The following PARD3B variants were observed in gnomAD, a reference collection of about 807,000 sequenced individuals.
The protein encoded by PARD3B is par-3 family cell polarity regulator beta.
Under a neutral mutation model 130.2 loss-of-function variants are expected in PARD3B, and 103 were observed. The observed-to-expected ratio is 0.79, with a 90% confidence interval of 0.67 to 0.93. PARD3B has a LOEUF of 0.93. Ranked by LOEUF, PARD3B falls within the 40% of genes least tolerant of loss-of-function variation. PARD3B has a pLI of 0.00. For synonymous variants in PARD3B, 583 were observed against 553.2 expected (o/e 1.05, Z -0.76); for missense variants, 1,609 against 1,499.2 (o/e 1.07, Z -1.21).
At chr2:205,238,896 A>ATG (rs1559575204) in intron 15 of PARD3B, among the ~76,000 whole-genome samples, 1 of 130,828 alleles carries the variant, frequency 7.6e-6, no homozygotes. Flanking sequence ...GTATATATAT[A>ATG]TATATATATA....
intron 16 of PARD3B, among the ~76,000 whole-genome samples, chr2:205,249,438 G>T (rs182171650): frequency 2.6e-5 from 4 of 152,066 alleles, no homozygotes; most frequent in African/African-American, 7.2e-5. Flanking sequence ...CCATCTGTTG[G>T]TCTGGCTTGG....
rs888020848 is a variant in PARD3B at position 205,446,308 on chromosome 2, G to A, written c.3044+5636G>A. 2.0e-5 allele frequency among the ~76,000 whole-genome samples: 3 copies of A among 152,110 alleles called. No homozygotes were observed. The highest frequency in any genetic ancestry group is 4.4e-5 in the Non-Finnish European group (3 of 68,026). On this transcript the variant is annotated intron_variant, in intron 20 of 22. Coordinates refer to ENST00000406610, the MANE Select transcript of PARD3B (RefSeq NM_001302769.2). The surrounding 1 kb of genome is among the most constrained non-coding windows in gnomAD (Gnocchi z 4.4). ...TTTGGGTTGGAGAAGAGCTCGCTGAGGGGAAGAACTCACTGAGGGTTTTAA... is the reference window on the plus strand; with the variant it reads ...TTTGGGTTGGAGAAGAGCTCGCTGAAGGGAAGAACTCACTGAGGGTTTTAA...
chr2:205,104,377 C>T, intron 4 of PARD3B, 49 bp from the exon 5 acceptor site: 1 of 1,331,082 alleles, frequency 7.5e-7, no homozygotes, highest in African/African-American at 1.4e-5. Flanking sequence ...TTCAGATTTT[C>T]AATTCAATAT....
chr2:205,355,811 G>A (rs906850065), intron 18 of PARD3B, among the ~76,000 whole-genome samples: 3 of 152,166 alleles, frequency 2.0e-5, no homozygotes, highest in Admixed American at 6.5e-5. Flanking sequence ...AAAGCGAAGG[G>A]CAAGCAAGGC....
At chr2:205,186,890 G>A (rs1476575017) in intron 14 of PARD3B, among the ~76,000 whole-genome samples, 1 of 152,052 alleles carries the variant, frequency 6.6e-6, no homozygotes, top group African/African-American at 2.4e-5. Flanking sequence ...ATGACAATTT[G>A]GTGGCATAAA....
In PARD3B at chr2:205,177,104, G is replaced by A. The variant is rs553973989; in HGVS notation, c.1924+527G>A. Among the ~76,000 whole-genome samples, 3 of 152,090 alleles carry A rather than the reference G, an allele frequency of 2.0e-5. No individual in the cohort carries two copies. The East Asian group carries it at 5.8e-4, about 29-fold the overall frequency. The stretch of plus-strand genomic sequence containing the variant: ...CTGTTTTGCCTTATTATCTAATGTG[G>A]ATCCCATTTCTAGCTGACTCCAGAT... On this transcript the variant is annotated intron_variant, in intron 13 of 22. Coordinates refer to ENST00000406610, the MANE Select transcript of PARD3B (RefSeq NM_001302769.2).
At chr2:205,399,169 C>T (rs190216867) in intron 18 of PARD3B, among the ~76,000 whole-genome samples, 1,984 of 151,736 alleles carry the variant, frequency 0.013, 42 homozygotes, top group African/African-American at 0.046. Flanking sequence ...ACTTGGGAGG[C>T]TGAGGCAGGA....
chr2:205,612,449 GT>G (rs1459267961), intron 22 of PARD3B, among the ~76,000 whole-genome samples: 1 of 152,046 alleles, frequency 6.6e-6, no homozygotes, highest in Non-Finnish European at 1.5e-5. Flanking sequence ...GCCAAAATTA[GT>G]TTTTTTAATA....
intron 3 of PARD3B, among the ~76,000 whole-genome samples, chr2:204,990,536 A>G (rs1003202746): frequency 2.0e-5 from 3 of 151,964 alleles, no homozygotes; most frequent in African/African-American, 7.3e-5. Flanking sequence ...TCTCCCTCCC[A>G]CTTTCCAGAC....
intron 12 of PARD3B, among the ~76,000 whole-genome samples, chr2:205,173,983 C>T (rs1233117038): frequency 2.6e-5 from 4 of 152,126 alleles, no homozygotes; most frequent in Admixed American, 1.3e-4. Context: ...AAAGATACCT[C>T]AACTAATAGA....
chr2:205,447,690 C>G (rs2047954661), intron 20 of PARD3B, among the ~76,000 whole-genome samples: 1 of 152,176 alleles, frequency 6.6e-6, no homozygotes, highest in Non-Finnish European at 1.5e-5. Flanking sequence ...TTAACAGTAT[C>G]TTAAAGTTGG....
At chr2:204,785,286 T>C (rs940884676) in intron 2 of PARD3B, among the ~76,000 whole-genome samples, 1 of 152,228 alleles carries the variant, frequency 6.6e-6, no homozygotes, top group East Asian at 1.9e-4. Flanking sequence ...CTAGGAATTA[T>C]ATAAATGCAT....
At chr2:205,371,161 A>T (rs532061858) in intron 18 of PARD3B, among the ~76,000 whole-genome samples, 1 of 151,980 alleles carries the variant, frequency 6.6e-6, no homozygotes, top group Non-Finnish European at 1.5e-5. Flanking sequence ...CCATCACTCT[A>T]TTAGCTAAGT....
intron 2 of PARD3B, among the ~76,000 whole-genome samples, chr2:204,832,853 A>G (rs1191312745): frequency 6.6e-6 from 1 of 152,222 alleles, no homozygotes; most frequent in Non-Finnish European, 1.5e-5. Flanking sequence ...GAAAAAAACA[A>G]CTATAGTTCT....
At chr2:205,417,433 G>A (rs1258295633) in intron 19 of PARD3B, among the ~76,000 whole-genome samples, 2 of 152,180 alleles carry the variant, frequency 1.3e-5, no homozygotes, top group East Asian at 3.9e-4. Flanking sequence ...ATAATCCTTT[G>A]GGTATATGCC....
At chr2:205,003,436 G>A (rs1428041437) in intron 3 of PARD3B, among the ~76,000 whole-genome samples, 1 of 152,094 alleles carries the variant, frequency 6.6e-6, no homozygotes, top group Non-Finnish European at 1.5e-5. Context: ...TTACTTCTCT[G>A]ACCTCATGCC....
chr2:205,596,859 G>A (rs1454653170), intron 22 of PARD3B, among the ~76,000 whole-genome samples: 1 of 152,090 alleles, frequency 6.6e-6, no homozygotes, highest in Non-Finnish European at 1.5e-5. Flanking sequence ...AGAGAAGGAT[G>A]AGGGAAGCCC....
In PARD3B at chr2:205,341,402, A is replaced by C. The variant is rs1201346088; in HGVS notation, c.2630+39701A>C. The stretch of plus-strand genomic sequence containing the variant: ...TGGTATATATACACAATGGAATACT[A>C]TTCAGCCATATAAAGAGTGAAATTC... On this transcript the variant is annotated intron_variant, in intron 18 of 22. Transcript: ENST00000406610. The surrounding 1 kb of genome is among the most constrained non-coding windows in gnomAD (Gnocchi z 4.3). Among the ~76,000 whole-genome samples the C allele has an allele frequency of 6.6e-6, 1 of 152,210 alleles. No homozygotes were observed. The highest frequency in any genetic ancestry group is 2.4e-5 in the African/African-American group (1 of 41,472).
At chr2:204,686,644 T>A (rs1364026035) in intron 2 of PARD3B, among the ~76,000 whole-genome samples, 2 of 152,182 alleles carry the variant, frequency 1.3e-5, no homozygotes, top group Admixed American at 1.3e-4. Context: ...GGCGTGAATG[T>A]GTTTCAAAGT....
Sources: allele counts gnomAD v4.1 joint callset (sites outside exome capture counted in the v4.1 genomes callset), GRCh38; gene constraint gnomAD v4.1.1; non-coding constraint Gnocchi (gnomAD v3.1); transcripts MANE v1.5; gene names NCBI Gene and HGNC (gene_info 2026-07-23, HGNC 2026-07-21).